The following PPM1D variants were observed in gnomAD, a reference collection of about 807,000 sequenced individuals.
PPM1D encodes the protein protein phosphatase 1D.
PPM1D carries 52 observed loss-of-function variants against 58.3 expected under a neutral mutation model. That is an observed-to-expected ratio of 0.89 (90% CI 0.71 to 1.12). The LOEUF (loss-of-function observed/expected upper bound fraction) is 1.12, where lower values mean the gene tolerates loss of function less well. Among genes scored for constraint, PPM1D ranks in the 50% most tolerant of loss-of-function variants. The pLI, the probability that PPM1D is intolerant of heterozygous loss-of-function variation, is 0.00. For synonymous variants in PPM1D, 278 were observed against 285.1 expected (o/e 0.98, Z 0.25); for missense variants, 564 against 777.2 (o/e 0.73, Z 3.26).
chr17:60,639,132 T>G (rs1452857425), intron 3 of PPM1D, among the ~76,000 whole-genome samples: 2 of 152,296 alleles, frequency 1.3e-5, no homozygotes, highest in African/African-American at 4.8e-5. Flanking sequence ...TATTTTTTTT[T>G]GAGACTGAGT....
rs201377878 is a variant in PPM1D, at chr17:60,649,628, G to A, written c.1017+1546G>A. Among the ~76,000 whole-genome samples, 11 of 151,864 alleles carry A rather than the reference G, an allele frequency of 7.2e-5. No individual in the cohort carries two copies. In the South Asian group the frequency reaches 2.1e-3, roughly 29 times the overall value. On this transcript the variant is annotated intron_variant, in intron 4 of 5. Coordinates refer to ENST00000305921, the MANE Select transcript of PPM1D (RefSeq NM_003620.4). ...CTCTTGAACCCAGGAGGCAGAGGTC[G>A]CAGTGAGCCAAGATCATGCCATTGC...
intron 5 of PPM1D, among the ~76,000 whole-genome samples, chr17:60,658,952 C>G (rs1354933245): frequency 2.0e-5 from 3 of 152,026 alleles, no homozygotes; most frequent in African/African-American, 7.2e-5. Context: ...GGGCAAGACT[C>G]CATCTCAAAT....
chr17:60,663,205 A>G lies in PPM1D; in HGVS notation c.1471A>G (p.Asn491Asp), dbSNP rs764019284. ...ALTLRIHDSL[N>D]NSLPIGLVPT... ...GACTTTAAGGATACATGATTCTTTGAATAATAGCCTTCCAATTGGCCTTGT... is the reference window on the plus strand; with the variant it reads ...GACTTTAAGGATACATGATTCTTTGGATAATAGCCTTCCAATTGGCCTTGT... The change falls in exon 6 of 6, where the codon AAT (asparagine) becomes GAT (aspartate). Residue 491 changes from asparagine to aspartate, a missense_variant. Asn to Asp is a conservative substitution (Grantham distance 23). Around this residue, in one of 7 missense-constraint regions of PPM1D, gnomAD observed 261 missense variants for 270.1 expected, o/e 0.97. Coordinates refer to ENST00000305921, the MANE Select transcript of PPM1D (RefSeq NM_003620.4). 4.3e-6 allele frequency: 7 copies of G among 1,614,072 alleles called. No homozygotes were observed. Among genetic ancestry groups the G allele is most frequent in the Non-Finnish European group, 5.9e-6 (7 of 1,180,008 alleles).
chr17:60,648,096 G>A lies in PPM1D; in HGVS notation c.1017+14G>A, dbSNP rs1353256274. ...AAATACCTGATGGTGAGATGTGATT[G>A]AATAACTTGATATTGTTGTCTAAAC... On this transcript the variant is annotated intron_variant, in intron 4 of 5. Transcript: ENST00000305921. 9 of 1,594,222 alleles carry A rather than the reference G, an allele frequency of 5.6e-6. No individual in the cohort carries two copies. The highest frequency in any genetic ancestry group is 6.8e-6 in the Non-Finnish European group (8 of 1,169,784).
chr17:60,607,361 C>T (rs180906470), intron 1 of PPM1D, among the ~76,000 whole-genome samples: 58 of 152,290 alleles, frequency 3.8e-4, no homozygotes, highest in Non-Finnish European at 2.5e-4. Flanking sequence ...CAGCTCACTG[C>T]AACCTCCACC....
chr17:60,606,013 A>G (rs1387151430), intron 1 of PPM1D, among the ~76,000 whole-genome samples: 2 of 152,238 alleles, frequency 1.3e-5, no homozygotes, highest in Non-Finnish European at 2.9e-5. Flanking sequence ...ATCAGTTTTC[A>G]AAACTTCATC....
intron 3 of PPM1D, among the ~76,000 whole-genome samples, chr17:60,636,941 G>GT (rs1255269901): frequency 6.6e-6 from 1 of 150,468 alleles, no homozygotes; most frequent in African/African-American, 2.4e-5. Context: ...CAAAGTGCAT[G>GT]TGCGACAGCG....
intron 3 of PPM1D, among the ~76,000 whole-genome samples, chr17:60,637,518 A>G (rs78690418): frequency 0.011 from 1,708 of 152,328 alleles, 28 homozygotes; most frequent in African/African-American, 0.036. Flanking sequence ...TTTTGGACAC[A>G]TTACCCTTTC....
intron 2 of PPM1D, among the ~76,000 whole-genome samples, chr17:60,627,004 G>T (rs748720199): frequency 3.9e-5 from 6 of 152,118 alleles, no homozygotes; most frequent in Non-Finnish European, 8.8e-5. Context: ...ATGTGTAGGG[G>T]CTAGCTGTAC....
At chr17:60,645,312 C>T (rs2143697006) in intron 3 of PPM1D, among the ~76,000 whole-genome samples, 1 of 151,926 alleles carries the variant, frequency 6.6e-6, no homozygotes, top group East Asian at 1.9e-4. Context: ...CAAGATCGTG[C>T]CATTGCACTC....
chr17:60,633,825 ATTAT>A (rs758722527), intron 2 of PPM1D, 24 bp from the exon 3 acceptor site: 4 of 1,576,274 alleles, frequency 2.5e-6, no homozygotes, highest in Non-Finnish European at 1.7e-6. Flanking sequence ...AATCATTTAG[ATTAT>A]TTATGTGAAC....
chr17:60,648,368 C>T (rs2031284869), intron 4 of PPM1D, among the ~76,000 whole-genome samples: 2 of 151,316 alleles, frequency 1.3e-5, no homozygotes, highest in Non-Finnish European at 2.9e-5. Flanking sequence ...ATATAATTTC[C>T]ATACCATAAA....
chr17:60,610,976 G>T (rs1276228253), intron 1 of PPM1D, among the ~76,000 whole-genome samples: 1 of 152,164 alleles, frequency 6.6e-6, no homozygotes, highest in East Asian at 1.9e-4. Context: ...ATCTTATTGT[G>T]GTTTTAATTC....
chr17:60,623,318 T>G (rs772915985), intron 1 of PPM1D, among the ~76,000 whole-genome samples: 2 of 152,218 alleles, frequency 1.3e-5, no homozygotes, highest in Non-Finnish European at 2.9e-5. Flanking sequence ...TGTATCATAA[T>G]TGCATTATTT....
In PPM1D at chr17:60,600,503, A is replaced by G; in HGVS notation, c.89A>G (p.Glu30Gly). ...YMEDVTQIVV[E>G]PEPTAEEKPS... The stretch of plus-strand genomic sequence containing the variant: ...GAGGACGTTACTCAAATCGTTGTGG[A>G]GCCCGAACCGACGGCTGAAGAAAAG... The change falls in exon 1 of 6, where the codon GAG (glutamate) becomes GGG (glycine). Residue 30 changes from glutamate (E) to glycine (G), a missense_variant. Coordinates refer to ENST00000305921, the MANE Select transcript of PPM1D (RefSeq NM_003620.4). 5 of 1,570,514 alleles carry G rather than the reference A, an allele frequency of 3.2e-6. No individual in the cohort carries two copies. The highest frequency in any genetic ancestry group is 4.3e-6 in the Non-Finnish European group (5 of 1,158,160).
rs375975790 is a variant in PPM1D, at chr17:60,663,137, C to G, written c.1403C>G (p.Ser468Ter). 5 of 1,614,104 alleles carry G rather than the reference C, an allele frequency of 3.1e-6. No individual in the cohort carries two copies. The highest frequency in any genetic ancestry group is 1.1e-5 in the South Asian group (1 of 91,078). The change falls in exon 6 of 6, where the codon TCA becomes TGA. Residue 468 changes from serine (S) to a stop codon, truncating the protein, a stop_gained. Transcript: ENST00000305921. LOFTEE classifies it high-confidence loss of function. Reference protein sequence around the residue: ...RENVQGVVIPSKDPEPLEENC... With the variant: ...RENVQGVVIP The stretch of plus-strand genomic sequence containing the variant: ...AATGTCCAAGGTGTAGTCATACCCT[C>G]AAAAGATCCAGAACCACTTGAAGAA...
chr17:60,645,486 GTGTGTGTA>G (rs1232384429), intron 3 of PPM1D, among the ~76,000 whole-genome samples: 2 of 142,154 alleles, frequency 1.4e-5, no homozygotes, highest in Non-Finnish European at 3.0e-5. Context: ...GTGTGTGTGT[GTGTGTGTA>G]TGTGTATATA....
At chr17:60,656,377 C>T (rs374429808) in intron 4 of PPM1D, among the ~76,000 whole-genome samples, 3 of 150,344 alleles carry the variant, frequency 2.0e-5, no homozygotes, top group African/African-American at 4.9e-5. Context: ...GGCATGAACC[C>T]GGGAGGCAGA....
In PPM1D at chr17:60,663,313, G is replaced by A. The variant is rs564827577; in HGVS notation, c.1579G>A (p.Glu527Lys). The stretch of plus-strand genomic sequence containing the variant: ...TGGCCAAATGAAAGCCCAAGAAATT[G>A]AAAGAACCCCTCCAACAAACTTTAA... ...TPGQMKAQEI[E>K]RTPPTNFKRT... is the part of the protein sequence containing the mutation. Residue 527 changes from glutamate (E) to lysine (K), a missense_variant, in exon 6 of 6, where the codon GAA becomes AAA. By Grantham distance (56) the Glu-to-Lys change is moderately conservative. Coordinates refer to ENST00000305921, the MANE Select transcript of PPM1D (RefSeq NM_003620.4). The A allele has an allele frequency of 1.1e-5, 17 of 1,614,148 alleles. No individual in the cohort carries two copies. The South Asian group carries it at 1.8e-4, about 17-fold the overall frequency.
Sources: gnomAD v4.1 joint callset for allele counts (sites outside exome capture counted in the v4.1 genomes callset) on GRCh38, gnomAD v4.1.1 for gene constraint, gnomAD v4.1.1 regional missense constraint, MANE v1.5 for transcripts, NCBI Gene and HGNC (gene_info 2026-07-23, HGNC 2026-07-21) for gene names.